SACS: variants seen among roughly 807,000 people sequenced by gnomAD.
SACS encodes the protein sacsin molecular chaperone, also known as sacsin.
A neutral mutation model predicts 348.0 loss-of-function variants in SACS; 197 were observed. The observed-to-expected ratio is 0.57, with a 90% CI of 0.50 to 0.64. SACS has a LOEUF of 0.64. Ranked by LOEUF, SACS falls within the 30% of genes least tolerant of loss-of-function variation. The pLI is 0.00. For synonymous variants in SACS, 1,985 were observed against 1,910.6 expected, an observed-to-expected ratio of 1.04 and a Z score of -1.02; for missense variants, 4,999 against 5,360.8, an observed-to-expected ratio of 0.93 and a Z score of 2.11.
chr13:23,372,749 C>T (rs1871475694), intron 3 of SACS, among the ~76,000 whole-genome samples: 2 of 152,154 alleles, frequency 1.3e-5, no homozygotes, highest in South Asian at 4.1e-4. Context: ...ATGATTACGT[C>T]TTTATTTTCT....
At position 23,336,362 on chromosome 13, in the gene SACS, G is replaced by T. The variant is rs1342628164; in HGVS notation, c.7514C>A (p.Ala2505Asp). Reference sequence around the variant, plus strand: ...GACATTGGATGCATATCTTTCTAAGGCTTTGTGTCGCTTTGGGACTGCTCC... The same window carrying T: ...GACATTGGATGCATATCTTTCTAAGTCTTTGTGTCGCTTTGGGACTGCTCC... ...KLGAVPKRHKALERYASNVCF... is the reference protein window; with the variant it reads ...KLGAVPKRHKDLERYASNVCF... Residue 2505 changes from alanine (A) to aspartate (D), a missense_variant, in exon 10 of 10, where the codon GCC becomes GAC. Coordinates refer to ENST00000382292, the MANE Select transcript of SACS (RefSeq NM_014363.6). The T allele has an allele frequency of 1.2e-6, 2 of 1,614,054 alleles. No homozygotes were observed. The highest frequency in any genetic ancestry group is 2.7e-5 in the African/African-American group (2 of 75,034).
chr13:23,413,434 T>C (rs1873576332), intron 1 of SACS, among the ~76,000 whole-genome samples: 1 of 152,234 alleles, frequency 6.6e-6, no homozygotes, highest in Non-Finnish European at 1.5e-5. Flanking sequence ...GAGATGCTGA[T>C]ATGTTAAACT....
At chr13:23,404,619 T>C (rs190957464) in intron 2 of SACS, among the ~76,000 whole-genome samples, 33 of 152,224 alleles carry the variant, frequency 2.2e-4, no homozygotes, top group Admixed American at 1.9e-3. Flanking sequence ...AATAGGAAGA[T>C]AGGAAGTCAA....
chr13:23,427,601 C>G (rs1874239707), intron 1 of SACS: 2 of 152,244 alleles, frequency 1.3e-5, no homozygotes, highest in Non-Finnish European at 2.9e-5. Context: ...CAAACAGGAA[C>G]AGCCAGGAGA....
At position 23,336,622 on chromosome 13, in the gene SACS, T is replaced by C; in HGVS notation, c.7254A>G (p.Glu2418=). 1 of 1,613,840 alleles carries C rather than the reference T, an allele frequency of 6.2e-7. No individual in the cohort carries two copies. The highest frequency in any genetic ancestry group is 8.5e-7 in the Non-Finnish European group (1 of 1,179,876). The change falls in exon 10 of 10, where the codon GAA becomes GAG. Residue 2418 remains glutamate, a synonymous_variant. Coordinates refer to ENST00000382292, the MANE Select transcript of SACS (RefSeq NM_014363.6). ...DQERGTKQIT[E]ENFQLCRRII... Reference sequence around the variant, plus strand: ...TTCGTCGGCAAAGCTGAAAATTCTCTTCTGTTATTTGCTTTGTTCCTCTTT... The same window carrying C: ...TTCGTCGGCAAAGCTGAAAATTCTCCTCTGTTATTTGCTTTGTTCCTCTTT...
chr13:23,372,644 T>TA (rs772335440), intron 3 of SACS, among the ~76,000 whole-genome samples: 12 of 152,234 alleles, frequency 7.9e-5, no homozygotes, highest in Non-Finnish European at 1.5e-4. Context: ...CCTAGTTTCC[T>TA]AGATGCTATG....
In SACS at chr13:23,336,910, G is replaced by A. The variant is rs751299504; in HGVS notation, c.6966C>T (p.Tyr2322=). The A allele has an allele frequency of 6.2e-7, 1 of 1,613,804 alleles. No homozygotes were observed. Among genetic ancestry groups the A allele is most frequent in the South Asian group, 1.1e-5 (1 of 91,068 alleles). ...CATTTTGCATCAAGGCTTCATGAAG[G>A]TATTTGTAGCAAGCATTGGTGATAT... is the stretch of plus-strand genomic sequence containing the variant. ...QENITNACYK[Y]LHEALMQNEI... is the part of the protein sequence containing the mutation. The change falls in exon 10 of 10, where the codon TAC becomes TAT. Residue 2322 remains tyrosine, a synonymous_variant. Coordinates refer to ENST00000382292, the MANE Select transcript of SACS (RefSeq NM_014363.6).
At position 23,332,956 on chromosome 13, in the gene SACS, T is replaced by A. The variant is rs1041116861; in HGVS notation, c.10920A>T (p.Leu3640Phe). ...ATAGTTCTTTCAGAAAATTTCCAGA[T>A]AACAAATCCATTCGTTCTTGGAATA... ...HHIFQERMDLLSGNFLKELSL... is the reference protein window; with the variant it reads ...HHIFQERMDLFSGNFLKELSL... Residue 3640 changes from leucine to phenylalanine, a missense_variant, in exon 10 of 10, where the codon TTA (leucine) becomes TTT (phenylalanine). Transcript: ENST00000382292. 1 of 1,613,972 alleles carries A rather than the reference T, an allele frequency of 6.2e-7. No individual in the cohort carries two copies. The highest frequency in any genetic ancestry group is 1.1e-5 in the South Asian group (1 of 91,082).
chr13:23,428,929 G>A (rs1874305217), intron 1 of SACS: 1 of 152,078 alleles, frequency 6.6e-6, no homozygotes, highest in Non-Finnish European at 1.5e-5. Flanking sequence ...AGTTTATCTG[G>A]CCTCAGATTC....
Position 23,333,120 on chromosome 13 carries a change from A to C in SACS, c.10756T>G (p.Leu3586Val). 6.2e-7 allele frequency: 1 copy of C among 1,613,694 alleles called. No homozygotes were observed. The highest frequency in any genetic ancestry group is 2.2e-5 in the East Asian group (1 of 44,864). ...ATGTATTTTAGTCCAATATTTCTTA[A>C]GAATTCCACCCAGGATGTCATAAAT... ...VTFMTSWVEF[L>V]RNIGLKYILS... is the part of the protein sequence containing the mutation. Residue 3586 changes from leucine to valine, a missense_variant, in exon 10 of 10, where the codon TTA (leucine) becomes GTA (valine). Transcript: ENST00000382292.
chr13:23,333,527 G>A lies in SACS; in HGVS notation c.10349C>T (p.Ser3450Phe). 1 of 1,613,488 alleles carries A rather than the reference G, an allele frequency of 6.2e-7. No homozygotes were observed. Among genetic ancestry groups the A allele is most frequent in the Admixed American group, 1.7e-5 (1 of 59,994 alleles). Residue 3450 changes from serine (S) to phenylalanine (F), a missense_variant, in exon 10 of 10, where the codon TCT becomes TTT. Ser to Phe is a radical substitution (Grantham distance 155). Transcript: ENST00000382292. ...EVEKWTQSSS[S>F]AFLEEKIHLK... is the part of the protein sequence containing the mutation. ...GTGTATTTTTTCTTCAAGAAATGCA[G>A]ATGATGATGACTGTGTCCATTTCTC...
At position 23,418,162 on chromosome 13, in the gene SACS, G is replaced by A. The variant is rs988110080; in HGVS notation, c.-501-6422C>T. On this transcript the variant is annotated intron_variant, in intron 1 of 9. Transcript: ENST00000382292. ...GAAGATATTTGCCACACAGCAATCA[G>A]CAAAAGTTTTGTGTTCAGAATATAG... Among the ~76,000 whole-genome samples, 4 of 151,390 alleles carry A rather than the reference G, an allele frequency of 2.6e-5. 1 individual carries two copies. Among genetic ancestry groups the A allele is most frequent in the Middle Eastern group, 3.4e-3 (1 of 290 alleles).
chr13:23,330,584 C>A lies in SACS; in HGVS notation c.13292G>T (p.Arg4431Met), dbSNP rs750357326. 1.7e-5 allele frequency: 28 copies of A among 1,613,896 alleles called. No homozygotes were observed. The highest frequency in any genetic ancestry group is 2.2e-5 in the Non-Finnish European group (26 of 1,180,014). Residue 4431 changes from arginine (R) to methionine (M), a missense_variant, in exon 10 of 10, where the codon AGG becomes ATG. Around this residue, in one of 6 missense-constraint regions of SACS, gnomAD observed 254 missense variants for 275.1 expected, o/e 0.92. Coordinates refer to ENST00000382292, the MANE Select transcript of SACS (RefSeq NM_014363.6). ...PPSAGQTYSQ[R>M]FFVPPTFKSV... ...CTTGAAAGTGGGAGGAACAAAGAAC[C>A]TTTGAGAGTAAGTCTGTCCGGCTGA...
chr13:23,348,862 T>C (rs1315473002), intron 9 of SACS, among the ~76,000 whole-genome samples: 1 of 152,222 alleles, frequency 6.6e-6, no homozygotes, highest in African/African-American at 2.4e-5. Context: ...CTGTGCTAGA[T>C]GGTGGTAACA....
intron 2 of SACS, chr13:23,375,513 G>A: frequency 8.9e-7 from 1 of 1,118,286 alleles, no homozygotes; most frequent in Non-Finnish European, 1.1e-6. Context: ...AGGAGGAAAC[G>A]CTAGAGGAAG....
At chr13:23,348,985 T>C (rs762300668) in intron 9 of SACS, among the ~76,000 whole-genome samples, 1 of 152,152 alleles carries the variant, frequency 6.6e-6, no homozygotes, top group African/African-American at 2.4e-5. Context: ...AAGAGGGCGC[T>C]TGCATGCACC....
Position 23,394,779 on chromosome 13 carries a change from C to T in SACS, c.20+16441G>A, listed in dbSNP as rs143228251. Among the ~76,000 whole-genome samples, 558 of 152,246 alleles carry T rather than the reference C, an allele frequency of 3.7e-3. 6 individuals are homozygous for T. The highest frequency in any genetic ancestry group is 0.013 in the African/African-American group (521 of 41,528). The stretch of plus-strand genomic sequence containing the variant: ...CTGAGGCAGGAGAATCACCTGAACC[C>T]GGGAGACAGAGGTTGCAGTGAATCG... On this transcript the variant is annotated intron_variant, in intron 2 of 9. Transcript: ENST00000382292.
chr13:23,358,174 C>G (rs1479435571), intron 7 of SACS, among the ~76,000 whole-genome samples, 161 bp downstream of exon 7: 1 of 152,168 alleles, frequency 6.6e-6, no homozygotes, highest in Non-Finnish European at 1.5e-5. Context: ...TCAGAAAATT[C>G]AGTATGCACT....
chr13:23,345,467 T>C (rs1310513531), intron 9 of SACS, among the ~76,000 whole-genome samples: 1 of 152,204 alleles, frequency 6.6e-6, no homozygotes, highest in African/African-American at 2.4e-5. Context: ...AGTGACCACA[T>C]TTCTTCCTAA....
Sources: gnomAD v4.1 joint callset for allele counts (sites outside exome capture counted in the v4.1 genomes callset) on GRCh38, gnomAD v4.1.1 for gene constraint, gnomAD v4.1.1 regional missense constraint, MANE v1.5 for transcripts, NCBI Gene and HGNC (gene_info 2026-07-23, HGNC 2026-07-21) for gene names.